The following CADM1 variants were observed in gnomAD, a reference collection of about 807,000 sequenced individuals.
CADM1 encodes the protein cell adhesion molecule 1.
CADM1 carries 15 observed loss-of-function variants against 53.1 expected under a neutral mutation model. That is an observed-to-expected ratio of 0.28 (90% CI 0.19 to 0.44). The LOEUF (loss-of-function observed/expected upper bound fraction) is 0.44, where lower values mean the gene tolerates loss of function less well. Among genes scored for constraint, CADM1 ranks in the 20% least tolerant of loss-of-function variants. The pLI, the probability that CADM1 is intolerant of heterozygous loss-of-function variation, is 1.00. For synonymous variants in CADM1, 281 were observed against 243.0 expected (o/e 1.16, Z -1.45); for missense variants, 434 against 611.3 (o/e 0.71, Z 3.06).
intron 1 of CADM1, among the ~76,000 whole-genome samples, chr11:115,449,416 T>C (rs1948523412): frequency 6.6e-6 from 1 of 152,190 alleles, no homozygotes; most frequent in Admixed American, 6.5e-5. Context: ...ACCCTTTCCC[T>C]GCCAAAACCA....
intron 1 of CADM1, among the ~76,000 whole-genome samples, chr11:115,464,894 C>A (rs780539419): frequency 2.0e-5 from 3 of 152,152 alleles, no homozygotes; most frequent in Non-Finnish European, 2.9e-5. Context: ...GTATCAGCAT[C>A]CTTTATCGAT....
chr11:115,375,747 C>CTAA (rs528230983), intron 1 of CADM1, among the ~76,000 whole-genome samples: 2,167 of 151,252 alleles, frequency 0.014, 20 homozygotes, highest in Non-Finnish European at 0.018. Context: ...AGGGAGTATG[C>CTAA]TAATAATAAT....
At chr11:115,393,908 A>G (rs1286953914) in intron 1 of CADM1, among the ~76,000 whole-genome samples, 1 of 152,188 alleles carries the variant, frequency 6.6e-6, no homozygotes. Flanking sequence ...ACGGTAATAA[A>G]TCATCTGCTA....
chr11:115,208,614 A>G (rs1043164503), intron 8 of CADM1, among the ~76,000 whole-genome samples: 4 of 152,228 alleles, frequency 2.6e-5, no homozygotes, highest in Non-Finnish European at 4.4e-5. Context: ...AATGCAGCGG[A>G]AAAGTTACTC....
At chr11:115,391,000 A>G (rs1182199795) in intron 1 of CADM1, among the ~76,000 whole-genome samples, 2 of 152,196 alleles carry the variant, frequency 1.3e-5, no homozygotes, top group African/African-American at 4.8e-5. Flanking sequence ...TTCAAATTGA[A>G]TCCATTTAAT....
Position 115,458,098 on chromosome 11 carries a change from A to G in CADM1, c.124+46173T>C, listed in dbSNP as rs185473987. On this transcript the variant is annotated intron_variant, in intron 1 of 11. Coordinates refer to ENST00000331581, the MANE Select transcript of CADM1 (RefSeq NM_001301043.2). ...TCTCAGCTGTGGAAGCAATAAGCTG[A>G]TGTTTGGGGGATACTAAAGTCTCTC... is the stretch of plus-strand genomic sequence containing the variant. Among the ~76,000 whole-genome samples, 12 of 137,120 alleles carry G rather than the reference A, an allele frequency of 8.8e-5. No homozygotes were observed. The East Asian group carries it at 2.7e-3, about 31-fold the overall frequency. The allele number at this position is 137,120 out of a possible 152,430, so 90.0% of individuals were successfully genotyped here.
chr11:115,333,124 C>T (rs2135222684), intron 1 of CADM1, among the ~76,000 whole-genome samples: 1 of 152,244 alleles, frequency 6.6e-6, no homozygotes, highest in East Asian at 1.9e-4. Context: ...TCCAATCTGA[C>T]TGCAACAAAC....
chr11:115,449,884 TTTTA>T (rs1443091660), intron 1 of CADM1, among the ~76,000 whole-genome samples: 3 of 152,208 alleles, frequency 2.0e-5, no homozygotes, highest in Non-Finnish European at 4.4e-5. Context: ...TTTTGCTAGA[TTTTA>T]TTTTTCATTT....
At chr11:115,277,948 C>A (rs1339106332) in intron 1 of CADM1, among the ~76,000 whole-genome samples, 1 of 152,110 alleles carries the variant, frequency 6.6e-6, no homozygotes, top group Non-Finnish European at 1.5e-5. Context: ...CATCCTCATC[C>A]TCAGTTTCTT....
chr11:115,380,648 C>T (rs1285282508), intron 1 of CADM1, among the ~76,000 whole-genome samples: 1 of 152,174 alleles, frequency 6.6e-6, no homozygotes, highest in Non-Finnish European at 1.5e-5. Context: ...CATTAAAAGA[C>T]TATGGCTGTC....
At position 115,406,188 on chromosome 11, in the gene CADM1, CTT is replaced by C. The variant is rs1191204845; in HGVS notation, c.124+98081_124+98082del. On this transcript the variant is annotated intron_variant, in intron 1 of 11. Transcript: ENST00000331581. The stretch of plus-strand genomic sequence containing the variant: ...CCCCATATGCTAAAATTAGGGCTGC[CTT>C]TTTGTTTCCTTAAAAATATCCAAAT... Among the ~76,000 whole-genome samples, 5 of 152,004 alleles carry C rather than the reference CTT, an allele frequency of 3.3e-5. No individual in the cohort carries two copies. The South Asian group carries it at 6.2e-4, about 19-fold the overall frequency.
At chr11:115,468,516 G>T (rs45474398) in intron 1 of CADM1, among the ~76,000 whole-genome samples, 2,183 of 152,252 alleles carry the variant, frequency 0.014, 24 homozygotes, top group Non-Finnish European at 0.023. Context: ...TCATGAAAAT[G>T]GCCAAGGTAC....
intron 1 of CADM1, among the ~76,000 whole-genome samples, chr11:115,358,944 G>A (rs905689753): frequency 6.6e-6 from 1 of 151,874 alleles, no homozygotes; most frequent in Admixed American, 6.6e-5. Context: ...TATTTCTATT[G>A]TCAGAACATA....
chr11:115,197,370 A>G (rs1940208013), intron 9 of CADM1, among the ~76,000 whole-genome samples: 1 of 152,252 alleles, frequency 6.6e-6, no homozygotes, highest in Non-Finnish European at 1.5e-5. Context: ...CTGTACAACA[A>G]CAGGCAAAGC....
intron 1 of CADM1, among the ~76,000 whole-genome samples, chr11:115,390,149 G>T (rs1946798788): frequency 6.6e-6 from 1 of 152,080 alleles, no homozygotes; most frequent in South Asian, 2.1e-4. Flanking sequence ...TGTCACAGGA[G>T]AAAAAAGGAA....
At chr11:115,347,532 T>TA (rs1274775857) in intron 1 of CADM1, among the ~76,000 whole-genome samples, 1 of 152,198 alleles carries the variant, frequency 6.6e-6, no homozygotes, top group Non-Finnish European at 1.5e-5. Flanking sequence ...TATGTCATTA[T>TA]AAAATTAAAC....
chr11:115,361,199 T>A (rs1287835505), intron 1 of CADM1, among the ~76,000 whole-genome samples: 1 of 152,158 alleles, frequency 6.6e-6, no homozygotes, highest in Non-Finnish European at 1.5e-5. Flanking sequence ...ACCGTCAATA[T>A]CTAGTGCTTG....
At chr11:115,282,823 G>C (rs954809838) in intron 1 of CADM1, among the ~76,000 whole-genome samples, 1 of 152,238 alleles carries the variant, frequency 6.6e-6, no homozygotes, top group Non-Finnish European at 1.5e-5. Flanking sequence ...GGGGATGGAA[G>C]AGGTTATAAA....
intron 9 of CADM1, among the ~76,000 whole-genome samples, chr11:115,195,813 T>C (rs543022108): frequency 7.9e-5 from 12 of 152,250 alleles, no homozygotes; most frequent in Non-Finnish European, 1.5e-4. Context: ...CTGGCTTTCA[T>C]TACAGCTTCT....
Sources: gnomAD v4.1 joint callset for allele counts (sites outside exome capture counted in the v4.1 genomes callset) on GRCh38, gnomAD v4.1.1 for gene constraint, MANE v1.5 for transcripts, NCBI Gene and HGNC (gene_info 2026-07-23, HGNC 2026-07-21) for gene names.